RASSF3: variants seen among roughly 807,000 people sequenced by gnomAD.
The protein encoded by RASSF3 is Ras association domain family member 3.
In RASSF3, 19 loss-of-function variants were observed where a neutral mutation model predicts 19.9. That is an observed-to-expected ratio of 0.96 (90% CI 0.67 to 1.40). RASSF3 has a LOEUF of 1.40. Ranked by LOEUF, RASSF3 falls within the 40% of genes most tolerant of loss-of-function variation. RASSF3 has a pLI of 0.00. For synonymous variants in RASSF3, 110 were observed against 104.2 expected (o/e 1.06, Z -0.34); for missense variants, 306 against 289.8 (o/e 1.06, Z -0.41).
intron 2 of RASSF3, among the ~76,000 whole-genome samples, chr12:64,599,903 G>A (rs988923192): frequency 1.9e-4 from 29 of 151,782 alleles, no homozygotes; most frequent in African/African-American, 6.5e-4. Flanking sequence ...GTGGTGGCGG[G>A]CGCCTGTAGT....
intron 2 of RASSF3, among the ~76,000 whole-genome samples, chr12:64,558,422 C>T (rs1452561814): frequency 6.6e-6 from 1 of 152,126 alleles, no homozygotes; most frequent in East Asian, 1.9e-4. Context: ...TACTCCATGG[C>T]CATTCCTATA....
intron 2 of RASSF3, among the ~76,000 whole-genome samples, chr12:64,572,196 T>C (rs1211242199): frequency 6.6e-6 from 1 of 152,016 alleles, no homozygotes; most frequent in African/African-American, 2.4e-5. Context: ...AATTTATATG[T>C]TGAAACCCTA....
chr12:64,646,984 G>C (rs1871757280), intron 1 of RASSF3, among the ~76,000 whole-genome samples: 1 of 152,086 alleles, frequency 6.6e-6, no homozygotes. Flanking sequence ...AGCTTTGAGA[G>C]GTTAAGTAAT....
At chr12:64,678,239 C>T (rs1467003823) in intron 1 of RASSF3, among the ~76,000 whole-genome samples, 1 of 152,232 alleles carries the variant, frequency 6.6e-6, no homozygotes, top group African/African-American at 2.4e-5. Flanking sequence ...AATTCCTAGG[C>T]TAGAACCTGT....
At chr12:64,596,039 C>T (rs551859589) in intron 2 of RASSF3, among the ~76,000 whole-genome samples, 2 of 152,194 alleles carry the variant, frequency 1.3e-5, no homozygotes, top group African/African-American at 2.4e-5. Flanking sequence ...AGGGTCCTGC[C>T]CCAAACCCAG....
intron 1 of RASSF3, among the ~76,000 whole-genome samples, chr12:64,516,060 G>A (rs1166200970): frequency 6.6e-6 from 1 of 151,984 alleles, no homozygotes; most frequent in Non-Finnish European, 1.5e-5. Context: ...TTCAATATAT[G>A]TTGTAAAGGC....
intron 1 of RASSF3, chr12:64,533,718 T>C (rs984251417): frequency 1.3e-5 from 2 of 152,148 alleles, no homozygotes; most frequent in African/African-American, 4.8e-5. Context: ...AGGACAAGTG[T>C]TTTGCAGTTC....
chr12:64,642,559 CAAAAAAAAAAAAAAAA>C (rs67771603), intron 1 of RASSF3, among the ~76,000 whole-genome samples: 2 of 43,992 alleles, frequency 4.5e-5, no homozygotes, highest in Non-Finnish European at 8.2e-5. Flanking sequence ...GACTCCATCT[CAAAAAAAAAAAAAAAA>C]AAAAAAAAAA....
intron 1 of RASSF3, among the ~76,000 whole-genome samples, chr12:64,652,157 G>A (rs1233590431): frequency 2.6e-5 from 4 of 152,146 alleles, no homozygotes; most frequent in South Asian, 2.1e-4. Flanking sequence ...AGGAAGGATG[G>A]TATTTTGGCT....
Position 64,548,379 on chromosome 12 carries a change from G to A in RASSF3, c.294+6674G>A, listed in dbSNP as rs1592397233. 4.6e-5 allele frequency among the ~76,000 whole-genome samples: 7 copies of A among 151,898 alleles called. No individual in the cohort carries two copies. The South Asian group carries it at 1.5e-3, about 32-fold the overall frequency. On this transcript the variant is annotated intron_variant, in intron 2 of 5. Transcript: ENST00000637125. The stretch of plus-strand genomic sequence containing the variant: ...ATTTATTTATTTTTTTTGTAGAGAA[G>A]AGGTCTCACCATCTTGGTCAGGCTG...
At chr12:64,591,436 A>G (rs985811574) in intron 2 of RASSF3, among the ~76,000 whole-genome samples, 3 of 151,704 alleles carry the variant, frequency 2.0e-5, no homozygotes, top group Non-Finnish European at 4.4e-5. Flanking sequence ...AGATCCCGCC[A>G]CTGCACTCCA....
At chr12:64,642,138 A>G (rs1871557721) in intron 1 of RASSF3, among the ~76,000 whole-genome samples, 1 of 152,108 alleles carries the variant, frequency 6.6e-6, no homozygotes, top group African/African-American at 2.4e-5. Flanking sequence ...GGCTGATTAA[A>G]ATGTTCTGGT....
intron 1 of RASSF3, among the ~76,000 whole-genome samples, chr12:64,633,868 G>T (rs777480187): frequency 2.6e-4 from 39 of 152,178 alleles, no homozygotes; most frequent in Non-Finnish European, 4.7e-4. Flanking sequence ...AAGTGGGGTG[G>T]CTCACGCCTA....
At chr12:64,671,557 G>A (rs148918535) in intron 1 of RASSF3, among the ~76,000 whole-genome samples, 2,935 of 152,300 alleles carry the variant, frequency 0.019, 40 homozygotes, top group Non-Finnish European at 0.029. Flanking sequence ...TCTAGAAATT[G>A]CTTTTGTGAG....
chr12:64,689,273 G>T (rs1873485229), intron 3 of RASSF3, among the ~76,000 whole-genome samples: 1 of 151,050 alleles, frequency 6.6e-6, no homozygotes, highest in Non-Finnish European at 1.5e-5. Flanking sequence ...GCTTTCTTTG[G>T]TTTTTCTCGG....
intron 2 of RASSF3, among the ~76,000 whole-genome samples, chr12:64,604,692 C>T (rs948392933): frequency 2.0e-5 from 3 of 151,354 alleles, no homozygotes; most frequent in Non-Finnish European, 4.4e-5. Flanking sequence ...GGCTGGAGTG[C>T]AGTGGCGCGA....
At chr12:64,523,510 C>T (rs1221208006) in intron 1 of RASSF3, among the ~76,000 whole-genome samples, 1 of 152,112 alleles carries the variant, frequency 6.6e-6, no homozygotes, top group Admixed American at 6.6e-5. Flanking sequence ...CCTCCTGACC[C>T]CCTCAGGTCA....
intron 2 of RASSF3, among the ~76,000 whole-genome samples, chr12:64,590,281 T>C (rs1160313770): frequency 6.6e-6 from 1 of 151,536 alleles, no homozygotes; most frequent in African/African-American, 2.4e-5. Flanking sequence ...TGTAACAATG[T>C]GTTCTGTAAC....
At chr12:64,542,590 AAGAT>A (rs751069138), downstream of RASSF3, among the ~76,000 whole-genome samples, 1 of 152,150 alleles carries the variant, frequency 6.6e-6, no homozygotes, top group Non-Finnish European at 1.5e-5. Context: ...TTCTTCTTAA[AAGAT>A]AGGCTATTTT....
Sources: allele counts gnomAD v4.1 joint callset (sites outside exome capture counted in the v4.1 genomes callset), GRCh38; gene constraint gnomAD v4.1.1; transcripts MANE v1.5; gene names NCBI Gene and HGNC (gene_info 2026-07-23, HGNC 2026-07-21).